The following FGGY variants were observed in gnomAD, a reference collection of about 807,000 sequenced individuals.
FGGY encodes FGGY carbohydrate kinase domain-containing protein.
Under a neutral mutation model 71.3 loss-of-function variants are expected in FGGY, and 72 were observed. The observed-to-expected ratio is 1.01, with a 90% CI of 0.84 to 1.23. The LOEUF (loss-of-function observed/expected upper bound fraction) is 1.23. Ranked by LOEUF, FGGY falls within the 50% of genes most tolerant of loss-of-function variation. The probability of loss-of-function intolerance (pLI) is 0.00; values close to 1 mark genes in which losing one functional copy is unlikely to be tolerated. For synonymous variants in FGGY, 251 were observed against 250.3 expected (o/e 1.00, Z -0.02); for missense variants, 668 against 682.3 (o/e 0.98, Z 0.23).
At chr1:59,695,571 A>G (rs2097650206) in intron 14 of FGGY, among the ~76,000 whole-genome samples, 1 of 152,238 alleles carries the variant, frequency 6.6e-6, no homozygotes, top group South Asian at 2.1e-4. Context: ...AATTTATTGC[A>G]TATAATCTTG....
intron 14 of FGGY, among the ~76,000 whole-genome samples, chr1:59,749,920 A>G (rs2098231214): frequency 6.6e-6 from 1 of 152,206 alleles, no homozygotes; most frequent in African/African-American, 2.4e-5. Flanking sequence ...CTGTATTTTA[A>G]TCACTGCCCT....
intron 14 of FGGY, among the ~76,000 whole-genome samples, chr1:59,723,498 T>G (rs1311864898): frequency 6.8e-6 from 1 of 147,092 alleles, no homozygotes; most frequent in East Asian, 2.1e-4. Context: ...CATTGCAGAA[T>G]ACAACTTTAT....
intron 11 of FGGY, among the ~76,000 whole-genome samples, chr1:59,646,318 C>CT (rs201344875): frequency 0.016 from 2,462 of 150,974 alleles, 22 homozygotes; most frequent in South Asian, 0.042. Flanking sequence ...TTTATTCGGA[C>CT]TTTTTTTTTA....
intron 5 of FGGY, among the ~76,000 whole-genome samples, chr1:59,402,684 A>G (rs918119033): frequency 6.6e-6 from 1 of 152,202 alleles, no homozygotes; most frequent in Non-Finnish European, 1.5e-5. Flanking sequence ...ATTTCCAGGC[A>G]TTAGGGACAC....
intron 7 of FGGY, among the ~76,000 whole-genome samples, chr1:59,517,626 A>C (rs2094700261): frequency 1.3e-5 from 2 of 152,080 alleles, no homozygotes; most frequent in Non-Finnish European, 2.9e-5. Flanking sequence ...AGTTGACTTA[A>C]GCACTCTCTT....
intron 4 of FGGY, among the ~76,000 whole-genome samples, chr1:59,353,092 A>T (rs2053610586): frequency 6.6e-6 from 1 of 152,228 alleles, no homozygotes; most frequent in African/African-American, 2.4e-5. Flanking sequence ...ACTTGCATTT[A>T]AATTTTTCTG....
At chr1:59,486,207 A>G (rs1475624113) in intron 6 of FGGY, among the ~76,000 whole-genome samples, 1 of 152,162 alleles carries the variant, frequency 6.6e-6, no homozygotes, top group East Asian at 1.9e-4. Flanking sequence ...TTGGTCAAGG[A>G]GACAAGGCCT....
At chr1:59,482,634 G>GTATA (rs3990413) in intron 6 of FGGY, among the ~76,000 whole-genome samples, 11,406 of 147,390 alleles carry the variant, frequency 0.077, 676 homozygotes, top group African/African-American at 0.16. Flanking sequence ...GTGTCTGTGT[G>GTATA]TATATATATA....
At chr1:59,695,261 G>C (rs947306677) in intron 14 of FGGY, among the ~76,000 whole-genome samples, 15 of 152,178 alleles carry the variant, frequency 9.9e-5, no homozygotes, top group African/African-American at 3.4e-4. Context: ...TTATTGCAAT[G>C]ACAAGTGAAA....
At chr1:59,299,211 A>T (rs2042397672) in intron 1 of FGGY, among the ~76,000 whole-genome samples, 2 of 152,158 alleles carry the variant, frequency 1.3e-5, no homozygotes, top group East Asian at 3.9e-4. Flanking sequence ...ATGAACCGGG[A>T]ACAGCATGTG....
chr1:59,514,068 GC>G (rs2094580503), intron 7 of FGGY, among the ~76,000 whole-genome samples: 1 of 152,198 alleles, frequency 6.6e-6, no homozygotes, highest in Non-Finnish European at 1.5e-5. Context: ...AGCAATGTGT[GC>G]TTTTGATTGG....
intron 11 of FGGY, among the ~76,000 whole-genome samples, chr1:59,650,817 T>A (rs1439429422): frequency 6.9e-6 from 1 of 145,706 alleles, no homozygotes; most frequent in African/African-American, 2.8e-5. Flanking sequence ...TGCTCTTGCT[T>A]CTCTAGTTCT....
At chr1:59,762,468 T>G in intron 15 of FGGY, 35 bp from the exon 16 acceptor site, 81 of 1,548,776 alleles carry the variant, frequency 5.2e-5, no homozygotes, top group Non-Finnish European at 6.6e-5. Context: ...AGTTTTGTCT[T>G]GAGATCATTC....
intron 7 of FGGY, among the ~76,000 whole-genome samples, chr1:59,541,308 C>T (rs1403997260): frequency 1.3e-5 from 2 of 152,122 alleles, no homozygotes; most frequent in African/African-American, 4.8e-5. Flanking sequence ...GCCAGCCTGC[C>T]AGAATTTCGG....
At position 59,707,393 on chromosome 1, in the gene FGGY, G is replaced by A. The variant is rs532077232; in HGVS notation, c.1512+33260G>A. On this transcript the variant is annotated intron_variant, in intron 14 of 15. Transcript: ENST00000303721. The stretch of plus-strand genomic sequence containing the variant: ...CTGGGAATGACTCAGAGGCCAAGCT[G>A]TAGGAGGAGGGGGAGAGAGGGATGA... Among the ~76,000 whole-genome samples, 14 of 152,302 alleles carry A rather than the reference G, an allele frequency of 9.2e-5. No individual in the cohort carries two copies. In the East Asian group the frequency reaches 2.5e-3, roughly 27 times the overall value.
intron 1 of FGGY, chr1:59,316,368 A>C (rs753526172): frequency 6.6e-6 from 1 of 152,196 alleles, no homozygotes; most frequent in Non-Finnish European, 1.5e-5. Context: ...CATCATAGGC[A>C]GCAATCTTAA....
intron 8 of FGGY, among the ~76,000 whole-genome samples, chr1:59,564,378 G>C (rs957432471): frequency 6.6e-6 from 1 of 152,194 alleles, no homozygotes; most frequent in Non-Finnish European, 1.5e-5. Context: ...TTCAGACCAT[G>C]CTACGTTTTT....
chr1:59,326,105 G>A (rs567853068), intron 2 of FGGY, among the ~76,000 whole-genome samples: 2 of 152,348 alleles, frequency 1.3e-5, no homozygotes, highest in East Asian at 3.9e-4. Context: ...AAGATAAGCT[G>A]GAGGAATCAT....
At chr1:59,563,653 C>T (rs1343609273) in intron 8 of FGGY, among the ~76,000 whole-genome samples, 3 of 152,162 alleles carry the variant, frequency 2.0e-5, no homozygotes, top group Admixed American at 2.0e-4. Flanking sequence ...TCCCATCAAA[C>T]TACCATTGAC....
Sources: gnomAD v4.1 joint callset for allele counts (sites outside exome capture counted in the v4.1 genomes callset) on GRCh38, gnomAD v4.1.1 for gene constraint, MANE v1.5 for transcripts, NCBI Gene and HGNC (gene_info 2026-07-23, HGNC 2026-07-21) for gene names.